The following SLC13A5 variants were observed in gnomAD, a reference collection of about 807,000 sequenced individuals.
SLC13A5 encodes Na(+)/citrate cotransporter.
Under a neutral mutation model 56.5 loss-of-function variants are expected in SLC13A5, and 25 were observed. The observed-to-expected ratio is 0.44, with a 90% CI of 0.32 to 0.62. The LOEUF is 0.62. Among genes scored for constraint, SLC13A5 ranks in the 20% least tolerant of loss-of-function variants. The pLI, the probability that SLC13A5 is intolerant of heterozygous loss-of-function variation, is 0.04. For synonymous variants in SLC13A5, 307 were observed against 301.5 expected (o/e 1.02, Z -0.19); for missense variants, 649 against 737.8 (o/e 0.88, Z 1.39).
At chr17:6,689,741 G>A (rs563761654) in intron 10 of SLC13A5, 1 of 152,206 alleles carries the variant, frequency 6.6e-6, no homozygotes, top group South Asian at 2.1e-4. Context: ...AAACCACTTA[G>A]GTTTGCTTTT....
intron 8 of SLC13A5, among the ~76,000 whole-genome samples, chr17:6,693,795 G>A (rs1973482002): frequency 6.6e-6 from 1 of 152,164 alleles, no homozygotes; most frequent in African/African-American, 2.4e-5. Flanking sequence ...GGGAGGAAGA[G>A]AGAAAACAAA....
intron 2 of SLC13A5, 55 bp from the exon 3 acceptor site, chr17:6,706,833 C>A (rs770134654): frequency 8.1e-6 from 13 of 1,601,444 alleles, no homozygotes; most frequent in Non-Finnish European, 1.0e-5. Context: ...ACACTAGAGC[C>A]ACCCAGTCCC....
At chr17:6,693,222 CACACACA>C in intron 8 of SLC13A5, 60 bp from the exon 9 acceptor site, 1 of 853,832 alleles carries the variant, frequency 1.2e-6, no homozygotes, top group Non-Finnish European at 1.8e-6. Context: ...CACACACACA[CACACACA>C]CCAGAGCAGC....
chr17:6,711,520 GTGTT>G lies in SLC13A5; in HGVS notation c.102+1708_102+1711del, dbSNP rs1465220898. ...TGTGTGTGTGTGTATGTGTATGTGT[GTGTT>G]TGTGTTTTTTGTGTGTTTTGTGTGT... On this transcript the variant is annotated intron_variant, in intron 1 of 11. Coordinates refer to ENST00000433363, the MANE Select transcript of SLC13A5 (RefSeq NM_177550.5). The surrounding 1 kb of genome is among the most constrained non-coding windows in gnomAD (Gnocchi z 4.0). Among the ~76,000 whole-genome samples the G allele has an allele frequency of 6.7e-6, 1 of 150,220 alleles. No individual in the cohort carries two copies.
In SLC13A5 at chr17:6,695,683, G is replaced by T. The variant is rs528343110; in HGVS notation, c.1055+43C>A. 7.4e-5 allele frequency: 119 copies of T among 1,602,588 alleles called. 2 individuals carry two copies. In the South Asian group the frequency reaches 1.2e-3, roughly 16 times the overall value. ...TGGGATTACATGTGTGAGCCAACGC[G>T]CCTGGCCCTAAGCCAGCGATTTCTA... On this transcript the variant is annotated intron_variant, in intron 7 of 11. Coordinates refer to ENST00000433363, the MANE Select transcript of SLC13A5 (RefSeq NM_177550.5).
rs752221899 is a variant in SLC13A5, at chr17:6,703,131, T to C, written c.555A>G (p.Gln185=). ...KGKAKELPGS[Q]VIFEGPTLGQ... is the part of the protein sequence containing the mutation. ...CCAGAGTGGGGCCTTCAAAAATCACTTGACTCCCTGTGGTGGGCACAGCGC... is the reference window on the plus strand; with the variant it reads ...CCAGAGTGGGGCCTTCAAAAATCACCTGACTCCCTGTGGTGGGCACAGCGC... The change falls in exon 5 of 12, where the codon CAA becomes CAG. Residue 185 remains glutamine (Q), a synonymous_variant. Coordinates refer to ENST00000433363, the MANE Select transcript of SLC13A5 (RefSeq NM_177550.5). The C allele has an allele frequency of 1.2e-6, 2 of 1,613,928 alleles. No homozygotes were observed. The highest frequency in any genetic ancestry group is 2.7e-5 in the African/African-American group (2 of 74,940).
rs960096693 is a variant in SLC13A5, at chr17:6,701,241, A to G, written c.717-115T>C. 44 of 1,437,618 alleles carry G rather than the reference A, an allele frequency of 3.1e-5. No individual in the cohort carries two copies. The highest frequency in any genetic ancestry group is 4.0e-5 in the Non-Finnish European group (42 of 1,062,990). The allele number at this position is 1,437,618 out of a possible 1,614,324, so 89.1% of individuals were successfully genotyped here. On this transcript the variant is annotated intron_variant, in intron 5 of 11. Coordinates refer to ENST00000433363, the MANE Select transcript of SLC13A5 (RefSeq NM_177550.5). The surrounding 1 kb of genome is among the most constrained non-coding windows in gnomAD (Gnocchi z 4.1). ...TGAGAGGCGCGCCTGTGTGGAGGCC[A>G]CATCCTCCTGAGGTCTAGCCACCAA...
At chr17:6,708,811 C>T (rs906469697) in intron 1 of SLC13A5, among the ~76,000 whole-genome samples, 4 of 152,304 alleles carry the variant, frequency 2.6e-5, no homozygotes, top group Admixed American at 2.0e-4. Context: ...CGCCCACGCT[C>T]ACTCAGACAG....
At chr17:6,699,044 A>AAAATAAAT (rs201152183) in intron 6 of SLC13A5, among the ~76,000 whole-genome samples, 5,136 of 138,054 alleles carry the variant, frequency 0.037, 110 homozygotes, top group African/African-American at 0.052. Flanking sequence ...CACTGTCTCA[A>AAAATAAAT]AAATAAATAA....
chr17:6,706,994 C>T (rs762776356), intron 2 of SLC13A5, 34 bp downstream of exon 2: 3 of 1,612,198 alleles, frequency 1.9e-6, no homozygotes, highest in Admixed American at 1.7e-5. Flanking sequence ...AGGGGAGAAC[C>T]AGAAAGTCAC....
At position 6,695,897 on chromosome 17, in the gene SLC13A5, T is replaced by G. The variant is rs1174010093; in HGVS notation, c.884A>C (p.Glu295Ala). 1 of 1,614,104 alleles carries G rather than the reference T, an allele frequency of 6.2e-7. No homozygotes were observed. Among genetic ancestry groups the G allele is most frequent in the Admixed American group, 1.7e-5 (1 of 60,026 alleles). ...WGCGLESKKN[E>A]KAALKVLQEE... ...CTGCAGCACCTTGAGGGCAGCCTTC[T>G]CGTTTTTCTTGCTCTCTAGCCCGCA... The change falls in exon 7 of 12, where the codon GAG becomes GCG. Residue 295 changes from glutamate (E) to alanine (A), a missense_variant. By Grantham distance (107) the Glu-to-Ala change is moderately radical (BLOSUM62 -1). Coordinates refer to ENST00000433363, the MANE Select transcript of SLC13A5 (RefSeq NM_177550.5).
chr17:6,707,006 A>G (rs1322157640), intron 2 of SLC13A5, 22 bp downstream of exon 2: 12 of 1,613,422 alleles, frequency 7.4e-6, no homozygotes, highest in Middle Eastern at 3.3e-4. Flanking sequence ...GAAAGTCACC[A>G]GGATCCCTTG....
At position 6,701,219 on chromosome 17, in the gene SLC13A5, G is replaced by A. The variant is rs1249986502; in HGVS notation, c.717-93C>T. On this transcript the variant is annotated intron_variant, in intron 5 of 11. Coordinates refer to ENST00000433363, the MANE Select transcript of SLC13A5 (RefSeq NM_177550.5). This position sits in a 1 kb window ranked among gnomAD's most constrained non-coding sequence, Gnocchi z 4.1. ...GGACGGAGCAGCAGCTGGGCCCTGA[G>A]AGGCGCGCCTGTGTGGAGGCCACAT... 7.8e-6 allele frequency: 12 copies of A among 1,544,516 alleles called. No homozygotes were observed. Among genetic ancestry groups the A allele is most frequent in the Non-Finnish European group, 7.9e-6 (9 of 1,141,300 alleles).
intron 6 of SLC13A5, among the ~76,000 whole-genome samples, chr17:6,699,925 G>A (rs1444608394): frequency 6.6e-6 from 1 of 152,182 alleles, no homozygotes; most frequent in Non-Finnish European, 1.5e-5. Flanking sequence ...ACTTTTTAAT[G>A]GGAGTTTTCA....
rs1466738477 is a variant in SLC13A5, at chr17:6,703,111, G to A, written c.575C>T (p.Thr192Ile). Residue 192 changes from threonine (T) to isoleucine (I), a missense_variant, in exon 5 of 12, where the codon ACT (threonine) becomes ATT (isoleucine). By Grantham distance (89) the Thr-to-Ile change is moderately conservative. Coordinates refer to ENST00000433363, the MANE Select transcript of SLC13A5 (RefSeq NM_177550.5). ...PGSQVIFEGP[T>I]LGQQEDQERK... ...CTCTTGGTCTTCCTGCTGCCCCAGA[G>A]TGGGGCCTTCAAAAATCACTTGACT... 1 of 1,613,988 alleles carries A rather than the reference G, an allele frequency of 6.2e-7. No homozygotes were observed. Among genetic ancestry groups the A allele is most frequent in the Non-Finnish European group, 8.5e-7 (1 of 1,180,046 alleles).
intron 2 of SLC13A5, 75 bp downstream of exon 2, chr17:6,706,953 C>A (rs749886671): frequency 2.0e-4 from 321 of 1,594,418 alleles, no homozygotes; most frequent in Non-Finnish European, 2.6e-4. Flanking sequence ...CAGGCCTGTG[C>A]GACTCACAGT....
At chr17:6,708,018 G>T (rs1973917962) in intron 1 of SLC13A5, among the ~76,000 whole-genome samples, 1 of 152,152 alleles carries the variant, frequency 6.6e-6, no homozygotes, top group African/African-American at 2.4e-5. Context: ...TGTTGCCCAG[G>T]CTGGAGTGCA....
intron 4 of SLC13A5, 109 bp downstream of exon 4, chr17:6,703,769 G>GCATA: frequency 8.3e-7 from 1 of 1,204,684 alleles, no homozygotes; most frequent in Non-Finnish European, 1.1e-6. Flanking sequence ...CGTGTTTAAA[G>GCATA]GAGGGCTCCG....
chr17:6,711,624 TTG>T lies in SLC13A5; in HGVS notation c.102+1606_102+1607del, dbSNP rs1484755782. Reference sequence around the variant, plus strand: ...TTTGTGCGTGTGTTTTTGTGTGTGTTTGTGTTTGTGCGTGTGTTTTGTGTGTG... The same window carrying T: ...TTTGTGCGTGTGTTTTTGTGTGTGTTTGTTTGTGCGTGTGTTTTGTGTGTG... On this transcript the variant is annotated intron_variant, in intron 1 of 11. Coordinates refer to ENST00000433363, the MANE Select transcript of SLC13A5 (RefSeq NM_177550.5). This position sits in a 1 kb window ranked among gnomAD's most constrained non-coding sequence, Gnocchi z 4.0. Among the ~76,000 whole-genome samples, 9 of 149,366 alleles carry T rather than the reference TTG, an allele frequency of 6.0e-5. No homozygotes were observed. The highest frequency in any genetic ancestry group is 1.7e-4 in the African/African-American group (7 of 40,600).
Sources: allele counts gnomAD v4.1 joint callset (sites outside exome capture counted in the v4.1 genomes callset), GRCh38; gene constraint gnomAD v4.1.1; non-coding constraint Gnocchi (gnomAD v3.1); transcripts MANE v1.5; gene names NCBI Gene and HGNC (gene_info 2026-07-23, HGNC 2026-07-21).